The following CFAP299 variants were observed in gnomAD, a reference collection of about 807,000 sequenced individuals.
The protein encoded by CFAP299 is cilia and flagella associated protein 299.
A neutral mutation model predicts 27.0 loss-of-function variants in CFAP299; 21 were observed. That is an observed-to-expected ratio of 0.78 (90% CI 0.55 to 1.12). The LOEUF is 1.12. Ranked by LOEUF, CFAP299 falls within the 50% of genes most tolerant of loss-of-function variation. The pLI, the probability that CFAP299 is intolerant of heterozygous loss-of-function variation, is 0.00. For missense variants in CFAP299, 310 were observed against 276.6 expected (o/e 1.12, Z -0.86); for synonymous variants, 104 against 98.1 (o/e 1.06, Z -0.36).
At chr4:80,528,511 G>C (rs577954540) in intron 2 of CFAP299, among the ~76,000 whole-genome samples, 1 of 152,056 alleles carries the variant, frequency 6.6e-6, no homozygotes, top group African/African-American at 2.4e-5. Flanking sequence ...GGCTGCTATC[G>C]TCCCACTCCC....
chr4:80,521,048 T>A (rs1732882952), intron 2 of CFAP299, among the ~76,000 whole-genome samples: 1 of 152,144 alleles, frequency 6.6e-6, no homozygotes. Context: ...AGGAAACTTT[T>A]GCGATTAAAA....
rs145825643 is a variant in CFAP299, at chr4:80,920,996, T to C, written c.477-23814T>C. On this transcript the variant is annotated intron_variant, in intron 4 of 5. Transcript: ENST00000358105. The stretch of plus-strand genomic sequence containing the variant: ...TTGTAAACGAAGAATCATTTTCTTA[T>C]TTGCTAAATGCATGTTTGTTGCCTT... 1.1e-4 allele frequency among the ~76,000 whole-genome samples: 16 copies of C among 152,252 alleles called. No individual in the cohort carries two copies. In the East Asian group the frequency reaches 2.9e-3, roughly 28 times the overall value.
intron 3 of CFAP299, 56 bp downstream of exon 3, chr4:80,583,239 T>A: frequency 1.0e-6 from 1 of 977,700 alleles, no homozygotes; most frequent in Admixed American, 2.2e-5. Context: ...ACAATTAATA[T>A]TAAAAAATGT....
rs539656565 is a variant in CFAP299, at chr4:80,766,818, T to C, written c.334-103175T>C. Among the ~76,000 whole-genome samples, 9 of 152,344 alleles carry C rather than the reference T, an allele frequency of 5.9e-5. No homozygotes were observed. In the South Asian group the frequency reaches 1.9e-3, roughly 32 times the overall value. The stretch of plus-strand genomic sequence containing the variant: ...CATCAAATTTGGCCTTGCAAATTGC[T>C]ATGAAGCCATTGTCTCATTTAACTC... On this transcript the variant is annotated intron_variant, in intron 3 of 5. Coordinates refer to ENST00000358105, the MANE Select transcript of CFAP299 (RefSeq NM_152770.3).
intron 4 of CFAP299, among the ~76,000 whole-genome samples, chr4:80,939,312 T>C (rs190179957): frequency 6.6e-6 from 1 of 152,300 alleles, no homozygotes; most frequent in East Asian, 1.9e-4. Flanking sequence ...ACATATACTG[T>C]CTCATTTGAT....
intron 3 of CFAP299, among the ~76,000 whole-genome samples, chr4:80,710,193 C>T (rs1722060289): frequency 6.6e-6 from 1 of 151,974 alleles, no homozygotes; most frequent in African/African-American, 2.4e-5. Context: ...ATTTAAAGAC[C>T]CAGAGTGAAA....
chr4:80,650,643 G>C (rs945624338), intron 3 of CFAP299, among the ~76,000 whole-genome samples: 5 of 152,298 alleles, frequency 3.3e-5, no homozygotes, highest in African/African-American at 1.2e-4. Flanking sequence ...GGTTAGGTAA[G>C]TAAGCCTTAT....
chr4:80,957,199 C>T (rs530954896), intron 5 of CFAP299, among the ~76,000 whole-genome samples: 2 of 151,888 alleles, frequency 1.3e-5, no homozygotes, highest in East Asian at 1.9e-4. Context: ...CTTGTTTTAC[C>T]CATATTTTAT....
chr4:80,949,997 T>C (rs955052169), intron 5 of CFAP299, among the ~76,000 whole-genome samples: 2 of 152,144 alleles, frequency 1.3e-5, no homozygotes, highest in African/African-American at 4.8e-5. Context: ...GTAGAGGTCC[T>C]GCTATAGTTG....
chr4:80,630,506 T>C (rs1270616223), intron 3 of CFAP299, among the ~76,000 whole-genome samples: 1 of 152,152 alleles, frequency 6.6e-6, no homozygotes, highest in Non-Finnish European at 1.5e-5. Flanking sequence ...AATAGTGTTT[T>C]TTTAATAAAT....
chr4:80,386,502 C>A, intron 2 of CFAP299: 2 of 1,474,790 alleles, frequency 1.4e-6, no homozygotes, highest in Non-Finnish European at 1.8e-6. Flanking sequence ...CCTCTTCTCG[C>A]GGGCGGTGGT....
At chr4:80,739,002 C>A (rs570526234) in intron 3 of CFAP299, among the ~76,000 whole-genome samples, 1 of 152,002 alleles carries the variant, frequency 6.6e-6, no homozygotes, top group East Asian at 1.9e-4. Context: ...ACACAAATTG[C>A]ATAAACAAAC....
chr4:80,931,886 TTGTGGCTGCTTTTTCAAC>T (rs1736641911), intron 4 of CFAP299, among the ~76,000 whole-genome samples: 1 of 152,128 alleles, frequency 6.6e-6, no homozygotes, highest in Non-Finnish European at 1.5e-5. Flanking sequence ...AACTGTTTCT[TTGTGGCTGCTTTTTCAAC>T]TGTAAGGAGA....
chr4:80,758,359 T>C (rs1725366346), intron 3 of CFAP299, among the ~76,000 whole-genome samples: 1 of 152,154 alleles, frequency 6.6e-6, no homozygotes, highest in Non-Finnish European at 1.5e-5. Flanking sequence ...GTCAAGCTGC[T>C]TCTCTCCAAT....
intron 2 of CFAP299, among the ~76,000 whole-genome samples, chr4:80,454,856 A>G (rs1028846384): frequency 6.6e-6 from 1 of 152,130 alleles, no homozygotes; most frequent in African/African-American, 2.4e-5. Context: ...TAAGGATAAC[A>G]TGGTGGGTAG....
intron 3 of CFAP299, among the ~76,000 whole-genome samples, chr4:80,666,915 T>C (rs1390278795): frequency 1.3e-5 from 2 of 152,210 alleles, no homozygotes; most frequent in African/African-American, 4.8e-5. Flanking sequence ...ACATTTCTCC[T>C]GACTGAGGTT....
chr4:80,651,461 G>C (rs1740291124), intron 3 of CFAP299, among the ~76,000 whole-genome samples: 1 of 150,990 alleles, frequency 6.6e-6, no homozygotes, highest in Admixed American at 6.6e-5. Flanking sequence ...GACCTCCTGG[G>C]TTTAAGTGAT....
At chr4:80,355,489 C>T (rs1723231160) in intron 1 of CFAP299, among the ~76,000 whole-genome samples, 1 of 151,444 alleles carries the variant, frequency 6.6e-6, no homozygotes, top group Non-Finnish European at 1.5e-5. Flanking sequence ...TCCTGAGTAG[C>T]TGGGATTACA....
chr4:80,330,507 C>A, the CFAP299 span, among the ~76,000 whole-genome samples: 4,570 of 152,154 alleles, frequency 0.03, 237 homozygotes, highest in African/African-American at 0.1. Context: ...CGTTTTCTCA[C>A]CTTGAAACTT....
Sources: gnomAD v4.1 joint callset for allele counts (sites outside exome capture counted in the v4.1 genomes callset) on GRCh38, gnomAD v4.1.1 for gene constraint, MANE v1.5 for transcripts, NCBI Gene and HGNC (gene_info 2026-07-23, HGNC 2026-07-21) for gene names.